INPP4B: variants seen among roughly 807,000 people sequenced by gnomAD.
The protein encoded by INPP4B is inositol polyphosphate 4-phosphatase type II.
A neutral mutation model predicts 122.5 loss-of-function variants in INPP4B; 55 were observed. The ratio of observed to expected loss-of-function variants is 0.45; its 90% CI spans 0.36 to 0.56. The LOEUF (loss-of-function observed/expected upper bound fraction) is 0.56. Among genes scored for constraint, INPP4B ranks in the 20% least tolerant of loss-of-function variants. INPP4B has a pLI of 0.00. For synonymous variants in INPP4B, 403 were observed against 388.7 expected, an observed-to-expected ratio of 1.04 and a Z score of -0.43; for missense variants, 1,000 against 1,097.7, an observed-to-expected ratio of 0.91 and a Z score of 1.26.
At chr4:142,246,129 C>T (rs1488528052) in intron 11 of INPP4B, among the ~76,000 whole-genome samples, 2 of 146,390 alleles carry the variant, frequency 1.4e-5, no homozygotes, top group East Asian at 2.0e-4. Context: ...TGTATGTATA[C>T]ACACACATAT....
At chr4:142,403,323 C>T (rs1802273925) in intron 6 of INPP4B, among the ~76,000 whole-genome samples, 1 of 152,086 alleles carries the variant, frequency 6.6e-6, no homozygotes, top group African/African-American at 2.4e-5. Context: ...ATCTACAGAA[C>T]CCTTCTTTAG....
At position 142,213,428 on chromosome 4, in the gene INPP4B, G is replaced by A. The variant is rs537779834; in HGVS notation, c.837-4402C>T. Among the ~76,000 whole-genome samples, 6 of 152,282 alleles carry A rather than the reference G, an allele frequency of 3.9e-5. 1 individual carries two copies. In the South Asian group the frequency reaches 1.2e-3, roughly 32 times the overall value. On this transcript the variant is annotated intron_variant, in intron 12 of 25. Coordinates refer to ENST00000262992, the MANE Select transcript of INPP4B (RefSeq NM_001101669.3). ...GGGTCCATGCATATTCCCTGCCTCTGTCACTAAGATCTAGGTCCAACCACA... is the reference window on the plus strand; with the variant it reads ...GGGTCCATGCATATTCCCTGCCTCTATCACTAAGATCTAGGTCCAACCACA...
intron 2 of INPP4B, among the ~76,000 whole-genome samples, chr4:142,557,421 A>G (rs1580362723): frequency 6.6e-6 from 1 of 152,234 alleles, no homozygotes; most frequent in East Asian, 1.9e-4. Context: ...CTTGAAGTTC[A>G]CCTAGTCTAC....
chr4:142,144,222 TACACACACACACACACAC>T (rs35496129), intron 18 of INPP4B, among the ~76,000 whole-genome samples: 33 of 145,034 alleles, frequency 2.3e-4, no homozygotes, highest in African/African-American at 6.1e-4. Context: ...AAATACAAGA[TACACACACACACACACAC>T]ACACACACAC....
chr4:142,309,263 A>T (rs1222411675), intron 8 of INPP4B, among the ~76,000 whole-genome samples: 1 of 152,188 alleles, frequency 6.6e-6, no homozygotes, highest in Non-Finnish European at 1.5e-5. Context: ...TAAAAAGTCT[A>T]TGAGAAATGC....
intron 14 of INPP4B, among the ~76,000 whole-genome samples, chr4:142,193,855 T>C (rs1160901487): frequency 2.0e-5 from 3 of 152,174 alleles, no homozygotes; most frequent in Admixed American, 1.3e-4. Flanking sequence ...AATCCTTTGA[T>C]CTTGAAAGCC....
intron 18 of INPP4B, among the ~76,000 whole-genome samples, chr4:142,140,603 G>A (rs978130411): frequency 6.6e-6 from 1 of 152,244 alleles, no homozygotes; most frequent in Middle Eastern, 3.4e-3. Context: ...TAGATATGAA[G>A]GATGAAAGAA....
chr4:142,695,084 A>G (rs1760837363), intron 2 of INPP4B, among the ~76,000 whole-genome samples: 1 of 152,010 alleles, frequency 6.6e-6, no homozygotes, highest in Admixed American at 6.6e-5. Flanking sequence ...ATAATCATTC[A>G]CTTTTTTTTT....
intron 5 of INPP4B, among the ~76,000 whole-genome samples, chr4:142,411,085 C>T (rs534354241): frequency 6.6e-6 from 1 of 152,224 alleles, no homozygotes; most frequent in East Asian, 1.9e-4. Flanking sequence ...TCTGTGAAAT[C>T]AGATGTGTAC....
Position 142,043,592 on chromosome 4 carries a change from G to T in INPP4B, c.2643-14678C>A, listed in dbSNP as rs528869870. On this transcript the variant is annotated intron_variant, in intron 25 of 25. Coordinates refer to ENST00000262992, the MANE Select transcript of INPP4B (RefSeq NM_001101669.3). The stretch of plus-strand genomic sequence containing the variant: ...AAGAATGGCAGATGTATTTGGGAAT[G>T]ATTCACAGCTAGCTTTGGTCATAAT... 6.6e-5 allele frequency among the ~76,000 whole-genome samples: 10 copies of T among 151,364 alleles called. 1 individual carries two copies. The highest frequency in any genetic ancestry group is 2.0e-4 in the Admixed American group (3 of 15,126).
intron 15 of INPP4B, among the ~76,000 whole-genome samples, chr4:142,190,813 A>C (rs1229554627): frequency 6.6e-6 from 1 of 151,840 alleles, no homozygotes; most frequent in Non-Finnish European, 1.5e-5. Context: ...TATTTATGCA[A>C]ATATTTAAAC....
At chr4:142,061,883 CACATATATATATATATATAT>C (rs1186889870) in intron 25 of INPP4B, among the ~76,000 whole-genome samples, 46 of 11,634 alleles carry the variant, frequency 4.0e-3, no homozygotes, top group African/African-American at 5.5e-3. Flanking sequence ...CACACACACA[CACATATATATATATATATAT>C]ATATATATAT....
intron 25 of INPP4B, among the ~76,000 whole-genome samples, chr4:142,034,721 G>T (rs2152295029): frequency 6.6e-6 from 1 of 152,088 alleles, no homozygotes; most frequent in Middle Eastern, 3.4e-3. Context: ...GTTTTATGAT[G>T]TCCTCTGCTC....
intron 25 of INPP4B, among the ~76,000 whole-genome samples, chr4:142,080,111 T>G (rs941801589): frequency 1.3e-5 from 2 of 152,028 alleles, no homozygotes; most frequent in Non-Finnish European, 2.9e-5. Context: ...ATGAGGAAAC[T>G]GAGAGGTACA....
At position 142,027,924 on chromosome 4, in the gene INPP4B, C is replaced by T. The variant is rs1737531428; in HGVS notation, c.*858G>A. 5.4e-6 allele frequency: 1 copy of T among 183,914 alleles called. No individual in the cohort carries two copies. The highest frequency in any genetic ancestry group is 6.2e-5 in the Admixed American group (1 of 16,022). The allele number at this position is 183,914 out of a possible 1,614,324, so 11.4% of individuals were successfully genotyped here. ...TTACACCAGGATGACTGCTAAGAAACATCTCAGAGATACCTCACTGACATT... is the reference window on the plus strand; with the variant it reads ...TTACACCAGGATGACTGCTAAGAAATATCTCAGAGATACCTCACTGACATT... On this transcript the variant is annotated 3_prime_UTR_variant, in exon 26 of 26. Transcript: ENST00000262992.
At chr4:142,074,419 G>A (rs1398988932) in intron 25 of INPP4B, among the ~76,000 whole-genome samples, 1 of 152,102 alleles carries the variant, frequency 6.6e-6, no homozygotes, top group Non-Finnish European at 1.5e-5. Context: ...GTATTGGGAT[G>A]TGTGGAGAAA....
At chr4:142,800,213 A>G (rs1777833573) in intron 1 of INPP4B, among the ~76,000 whole-genome samples, 1 of 152,140 alleles carries the variant, frequency 6.6e-6, no homozygotes, top group Admixed American at 6.6e-5. Context: ...GAATGTACGT[A>G]CAGCAACCTT....
At chr4:142,529,973 A>G (rs570888954) in intron 2 of INPP4B, among the ~76,000 whole-genome samples, 74 of 152,282 alleles carry the variant, frequency 4.9e-4, no homozygotes, top group South Asian at 2.1e-4. Flanking sequence ...TGCTACTTCC[A>G]TCACTGTTCA....
At chr4:142,423,742 C>A (rs1807427271) in intron 5 of INPP4B, 1 of 424,750 alleles carries the variant, frequency 2.4e-6, no homozygotes, top group Non-Finnish European at 4.6e-6. Context: ...ACACTTTTTA[C>A]AATCATCCGC....
Sources: gnomAD v4.1 joint callset for allele counts (sites outside exome capture counted in the v4.1 genomes callset) on GRCh38, gnomAD v4.1.1 for gene constraint, MANE v1.5 for transcripts, NCBI Gene and HGNC (gene_info 2026-07-23, HGNC 2026-07-21) for gene names.